Variants in SNTG2 observed in about 807,000 individuals in gnomAD.
SNTG2 encodes syntrophin gamma 2.
A neutral mutation model predicts 70.9 loss-of-function variants in SNTG2; 74 were observed. That is an observed-to-expected ratio of 1.04 (90% CI 0.86 to 1.27). The LOEUF (loss-of-function observed/expected upper bound fraction) is 1.27. SNTG2 is among the 50% of genes most tolerant of loss of function. The probability of loss-of-function intolerance (pLI) is 0.00; values close to 1 mark genes in which losing one functional copy is unlikely to be tolerated. For missense variants in SNTG2, 717 were observed against 690.7 expected, an observed-to-expected ratio of 1.04 and a Z score of -0.43; for synonymous variants, 278 against 273.8, an observed-to-expected ratio of 1.02 and a Z score of -0.15.
intron 15 of SNTG2, 123 bp from the exon 16 acceptor site, chr2:1,316,142 C>T (rs1681266860): frequency 1.0e-5 from 6 of 579,970 alleles, no homozygotes; most frequent in South Asian, 4.8e-5. Flanking sequence ...ACATGCTAAA[C>T]GTCGATTTAA....
At chr2:1,290,747 T>C (rs1038913406) in intron 14 of SNTG2, among the ~76,000 whole-genome samples, 4 of 152,062 alleles carry the variant, frequency 2.6e-5, no homozygotes, top group Admixed American at 6.5e-5. Context: ...ACTCCAACAG[T>C]GGGAAATGCA....
chr2:1,008,384 C>A (rs1196664742), intron 1 of SNTG2, among the ~76,000 whole-genome samples: 2 of 152,120 alleles, frequency 1.3e-5, no homozygotes, highest in African/African-American at 2.4e-5. Context: ...TAGTGCTTCA[C>A]AAAATTATAG....
chr2:1,296,274 T>C (rs890977698), intron 14 of SNTG2, among the ~76,000 whole-genome samples: 2 of 152,258 alleles, frequency 1.3e-5, no homozygotes, highest in Non-Finnish European at 2.9e-5. Context: ...ACTGGGTGCT[T>C]ATTGCCTACT....
intron 8 of SNTG2, among the ~76,000 whole-genome samples, chr2:1,204,994 T>C: frequency 6.6e-6 from 1 of 152,180 alleles, no homozygotes; most frequent in East Asian, 1.9e-4. Flanking sequence ...TTATGTGCAG[T>C]ATGATCTTAA....
chr2:1,214,677 C>T (rs944236080), intron 9 of SNTG2, among the ~76,000 whole-genome samples: 4 of 152,058 alleles, frequency 2.6e-5, no homozygotes, highest in African/African-American at 9.7e-5. Context: ...CTTATGTCAT[C>T]AGCAAACAGA....
chr2:1,137,122 AGGCCAATCTAGCTTTCCTTATGAAGT>A (rs1668437416), intron 4 of SNTG2, among the ~76,000 whole-genome samples: 1 of 152,230 alleles, frequency 6.6e-6, no homozygotes, highest in Non-Finnish European at 1.5e-5. Flanking sequence ...CCTTATGAAG[AGGCCAATCTAGCTTTCCTTATGAAGT>A]GGCCGCCTAT....
intron 15 of SNTG2, among the ~76,000 whole-genome samples, chr2:1,315,662 G>A (rs1269049247): frequency 6.6e-6 from 1 of 152,038 alleles, no homozygotes; most frequent in African/African-American, 2.4e-5. Flanking sequence ...ACGTACCATA[G>A]CAAACATTAA....
intron 14 of SNTG2, among the ~76,000 whole-genome samples, chr2:1,282,981 A>C (rs1421630124): frequency 6.6e-6 from 1 of 152,184 alleles, no homozygotes; most frequent in East Asian, 1.9e-4. Context: ...AAATACAGAT[A>C]TCAAGACAGA....
chr2:1,348,215 T>G (rs1181423172), intron 16 of SNTG2, among the ~76,000 whole-genome samples: 1 of 152,186 alleles, frequency 6.6e-6, no homozygotes, highest in Non-Finnish European at 1.5e-5. Context: ...GCACGGATAA[T>G]TTGTAAACCA....
rs776327579 is a variant in SNTG2 at position 1,098,393 on chromosome 2, T to A, written c.308T>A (p.Ile103Lys). ...AACGTCCCTGTCGTCATATCAAAAA[T>A]ATTCGAAGACCAAGCAGGTAAAAAC... Reference protein sequence around the residue: ...EHNVPVVISKIFEDQAADQTG... With the variant: ...EHNVPVVISKKFEDQAADQTG... The change falls in exon 4 of 17, where the codon ATA (isoleucine) becomes AAA (lysine). Residue 103 changes from isoleucine to lysine, a missense_variant. Transcript: ENST00000308624. The A allele has an allele frequency of 6.2e-7, 1 of 1,614,022 alleles. No homozygotes were observed. Among genetic ancestry groups the A allele is most frequent in the Non-Finnish European group, 8.5e-7 (1 of 1,179,910 alleles).
intron 1 of SNTG2, among the ~76,000 whole-genome samples, chr2:1,048,143 G>A (rs1481710399): frequency 2.0e-5 from 3 of 151,506 alleles, no homozygotes; most frequent in African/African-American, 4.9e-5. Context: ...ATAGTCATTC[G>A]CATTGTCTCT....
chr2:987,502 A>T (rs541537448), intron 1 of SNTG2, among the ~76,000 whole-genome samples: 1 of 151,710 alleles, frequency 6.6e-6, no homozygotes, highest in Non-Finnish European at 1.5e-5. Context: ...AGAGGTGAGG[A>T]TGGAAGGAGA....
chr2:1,041,752 A>G (rs904309116), intron 1 of SNTG2, among the ~76,000 whole-genome samples: 2 of 152,198 alleles, frequency 1.3e-5, no homozygotes, highest in Non-Finnish European at 2.9e-5. Flanking sequence ...CACAGCCTGC[A>G]GATCTGTGGG....
At chr2:1,161,506 G>T (rs1196710265) in intron 6 of SNTG2, 2 of 152,254 alleles carry the variant, frequency 1.3e-5, no homozygotes, top group Admixed American at 6.5e-5. Flanking sequence ...GTGGGCCAGG[G>T]TCTCTCCCAG....
intron 1 of SNTG2, among the ~76,000 whole-genome samples, chr2:1,028,084 C>G (rs1333083310): frequency 1.3e-5 from 2 of 151,192 alleles, no homozygotes; most frequent in South Asian, 2.1e-4. Context: ...TGCCTCTGAC[C>G]CACAGGCACT....
In SNTG2 at chr2:1,267,351, G is replaced by T; in HGVS notation, c.1078-14G>T. The T allele has an allele frequency of 6.3e-7, 1 of 1,582,532 alleles. No homozygotes were observed. The highest frequency in any genetic ancestry group is 8.6e-7 in the Non-Finnish European group (1 of 1,162,598). On this transcript the variant is annotated splice_polypyrimidine_tract_variant and intron_variant, in intron 13 of 16. Coordinates refer to ENST00000308624, the MANE Select transcript of SNTG2 (RefSeq NM_018968.4). ...CCAGCGCTGCACGTTTCCAATCCATGCTCTGTTTTTCAGTTCTGGCTCACA... is the reference window on the plus strand; with the variant it reads ...CCAGCGCTGCACGTTTCCAATCCATTCTCTGTTTTTCAGTTCTGGCTCACA...
At chr2:1,288,777 T>C (rs1298201555) in intron 14 of SNTG2, among the ~76,000 whole-genome samples, 1 of 152,144 alleles carries the variant, frequency 6.6e-6, no homozygotes. Context: ...TGCACACTCA[T>C]GCACATTCAT....
At chr2:978,164 C>G (rs1660976294) in intron 1 of SNTG2, among the ~76,000 whole-genome samples, 1 of 152,142 alleles carries the variant, frequency 6.6e-6, no homozygotes, top group Non-Finnish European at 1.5e-5. Flanking sequence ...GCAAAGGTCA[C>G]AGTGAGGGGC....
chr2:1,278,414 C>T (rs1164175866), intron 14 of SNTG2, among the ~76,000 whole-genome samples: 1 of 152,012 alleles, frequency 6.6e-6, no homozygotes, highest in Admixed American at 6.6e-5. Flanking sequence ...GCACCAGGTG[C>T]TAGTGAGGTC....
Sources: allele counts gnomAD v4.1 joint callset (sites outside exome capture counted in the v4.1 genomes callset), GRCh38; gene constraint gnomAD v4.1.1; transcripts MANE v1.5; gene names NCBI Gene and HGNC (gene_info 2026-07-23, HGNC 2026-07-21).